The following RELN variants were observed in gnomAD, a reference collection of about 807,000 sequenced individuals.
The protein encoded by RELN is reelin.
Under a neutral mutation model 427.6 loss-of-function variants are expected in RELN, and 108 were observed. The observed-to-expected ratio is 0.25, with a 90% CI of 0.22 to 0.30. The LOEUF is 0.30. Among genes scored for constraint, RELN ranks in the 10% least tolerant of loss-of-function variants. RELN has a pLI of 1.00. For synonymous variants in RELN, 1,524 were observed against 1,513.4 expected, an observed-to-expected ratio of 1.01 and a Z score of -0.16; for missense variants, 3,715 against 4,302.8, an observed-to-expected ratio of 0.86 and a Z score of 3.82.
Position 103,943,761 on chromosome 7 carries a change from T to C in RELN, c.227-26576A>G, listed in dbSNP as rs1247948561. ...TACTTGGGAGGCTGAGGCAGGAGAA[T>C]CACTTGAACCCAGGACACAGAGGTT... On this transcript the variant is annotated intron_variant, in intron 1 of 64. Transcript: ENST00000428762. 8.6e-5 allele frequency among the ~76,000 whole-genome samples: 12 copies of C among 139,942 alleles called. No homozygotes were observed. The Admixed American group carries it at 9.4e-4, about 11-fold the overall frequency. 91.8% of individuals were successfully genotyped at this position (139,942 alleles called of 152,430 possible). A position where few individuals can be genotyped will look rare whatever the true frequency, so the allele number is the denominator to read the frequency against.
At chr7:103,772,879 T>A (rs893484842) in intron 4 of RELN, among the ~76,000 whole-genome samples, 38 of 152,152 alleles carry the variant, frequency 2.5e-4, no homozygotes, top group Admixed American at 3.9e-4. Context: ...AGACAAACTA[T>A]TGCTTCCAAT....
intron 51 of RELN, among the ~76,000 whole-genome samples, chr7:103,508,739 G>A (rs1225475021): frequency 6.6e-6 from 1 of 152,172 alleles, no homozygotes. Flanking sequence ...TGACATGATT[G>A]TGTATTTAGA....
chr7:103,795,649 T>C (rs1171485145), intron 3 of RELN, among the ~76,000 whole-genome samples: 1 of 152,192 alleles, frequency 6.6e-6, no homozygotes, highest in Non-Finnish European at 1.5e-5. Context: ...TACTTTGTTT[T>C]TGCAAACAAA....
rs979289169 is a variant in RELN, at chr7:103,553,687, T to C, written c.5942A>G (p.Tyr1981Cys). 7.4e-5 allele frequency: 120 copies of C among 1,613,972 alleles called. 1 individual carries two copies. The highest frequency in any genetic ancestry group is 1.0e-4 in the Non-Finnish European group (118 of 1,180,000). ...FFYPGGNIGL[Y>C]CPYSSKGAPE... is the part of the protein sequence containing the mutation. ...TGCCCCCTTTGAAGAATATGGACAA[T>C]AAAGACCGATGTTACCACCAGGATA... Residue 1981 changes from tyrosine (Y) to cysteine (C), a missense_variant, in exon 39 of 65, where the codon TAT becomes TGT. By Grantham distance (194) the Tyr-to-Cys change is radical. This residue lies in a region of RELN where 1,310 missense variants were observed against 1,643.0 expected (regional missense o/e 0.80). Transcript: ENST00000428762.
intron 22 of RELN, among the ~76,000 whole-genome samples, chr7:103,606,990 T>C (rs1831835496): frequency 6.6e-6 from 1 of 151,464 alleles, no homozygotes. Context: ...TTCATCCATG[T>C]CCCTACAAAG....
At chr7:103,473,651 T>G (rs565000461) in intron 64 of RELN, among the ~76,000 whole-genome samples, 30 of 152,338 alleles carry the variant, frequency 2.0e-4, no homozygotes, top group African/African-American at 7.2e-4. Context: ...ATATGCTGTG[T>G]GTGAAGCTGA....
chr7:103,725,942 T>G (rs7797512), intron 7 of RELN, among the ~76,000 whole-genome samples: 42,390 of 152,086 alleles, frequency 0.28, 6,052 homozygotes, highest in South Asian at 0.39. Flanking sequence ...AAAAGATAAA[T>G]CCTTAGCCTA....
intron 58 of RELN, among the ~76,000 whole-genome samples, chr7:103,491,180 G>A (rs1020963485): frequency 3.9e-5 from 6 of 152,112 alleles, no homozygotes; most frequent in African/African-American, 9.7e-5. Context: ...GGTGATAGTC[G>A]GAGGGCTATT....
At chr7:103,961,261 T>C (rs1319965761) in intron 1 of RELN, among the ~76,000 whole-genome samples, 3 of 152,234 alleles carry the variant, frequency 2.0e-5, no homozygotes, top group African/African-American at 7.2e-5. Context: ...TATCTTTTTA[T>C]ATACTTTAAA....
Position 103,542,968 on chromosome 7 carries a change from GT to G in RELN, c.6524-91del, listed in dbSNP as rs771572972. On this transcript the variant is annotated intron_variant, in intron 42 of 64. Transcript: ENST00000428762. ...AAAAGGAGTATGGTAAATGCATTAT[GT>G]AGTTTCAAAATATGAAGTCATAAAT... 0.054 allele frequency: 72,127 copies of G among 1,329,334 alleles called. 2,974 individuals are homozygous for G. The highest frequency in any genetic ancestry group is 0.2 in the East Asian group (8,659 of 43,270). 82.3% of individuals were successfully genotyped at this position (1,329,334 alleles called of 1,614,324 possible).
At chr7:103,836,051 C>T (rs1184434679) in intron 2 of RELN, among the ~76,000 whole-genome samples, 23 of 151,864 alleles carry the variant, frequency 1.5e-4, no homozygotes, top group Admixed American at 1.2e-3. Flanking sequence ...CAATCTCCAC[C>T]GCTTGGGTTC....
intron 3 of RELN, among the ~76,000 whole-genome samples, chr7:103,785,431 C>T (rs549535053): frequency 2.0e-5 from 3 of 152,180 alleles, no homozygotes; most frequent in African/African-American, 4.8e-5. Flanking sequence ...AAGATGTATG[C>T]AAAGTATTTA....
rs1275052727 is a variant in RELN at position 103,522,039 on chromosome 7, C to T, written c.7651G>A (p.Ala2551Thr). 6.2e-7 allele frequency: 1 copy of T among 1,614,106 alleles called. No individual in the cohort carries two copies. The highest frequency in any genetic ancestry group is 1.1e-5 in the South Asian group (1 of 91,072). ...ACACTCACCCCACTGAAATGGAGAG[C>T]CATTCCCGACGCCACGGCTCCACAC... ...TVCGAVASGM[A>T]LHFSGGCSRL... The change falls in exon 48 of 65, where the codon GCT becomes ACT. Residue 2551 changes from alanine (A) to threonine (T), a missense_variant. Transcript: ENST00000428762.
At chr7:103,625,206 TTCACAAAA>T (rs1455360766) in intron 20 of RELN, among the ~76,000 whole-genome samples, 1 of 152,218 alleles carries the variant, frequency 6.6e-6, no homozygotes, top group Non-Finnish European at 1.5e-5. Context: ...TCACTCACCA[TTCACAAAA>T]TACTTTCTAT....
intron 1 of RELN, among the ~76,000 whole-genome samples, chr7:103,985,829 C>G (rs1420090153): frequency 2.0e-5 from 3 of 152,148 alleles, no homozygotes; most frequent in African/African-American, 7.2e-5. Flanking sequence ...AACCATCACA[C>G]TTTTCACAAT....
intron 18 of RELN, 66 bp downstream of exon 18, chr7:103,636,169 G>T: frequency 9.7e-7 from 1 of 1,027,212 alleles, no homozygotes; most frequent in Non-Finnish European, 1.5e-6. Context: ...AATAAAAATG[G>T]ACAGTATAAC....
chr7:103,836,494 A>T (rs1369354222), intron 2 of RELN, among the ~76,000 whole-genome samples: 1 of 152,140 alleles, frequency 6.6e-6, no homozygotes. Context: ...GCCTTCAAGA[A>T]GACTCTGAAT....
chr7:103,771,447 A>C (rs1487431141), intron 4 of RELN, among the ~76,000 whole-genome samples: 1 of 151,936 alleles, frequency 6.6e-6, no homozygotes, highest in African/African-American at 2.4e-5. Flanking sequence ...TCCCTAATGA[A>C]TGCATTGCCT....
intron 2 of RELN, among the ~76,000 whole-genome samples, chr7:103,848,934 A>C (rs1223487118): frequency 1.3e-5 from 2 of 152,100 alleles, no homozygotes; most frequent in Non-Finnish European, 2.9e-5. Context: ...ATGGGAAGAT[A>C]TTGTTTATCA....
Sources: allele counts gnomAD v4.1 joint callset (sites outside exome capture counted in the v4.1 genomes callset), GRCh38; gene constraint gnomAD v4.1.1; regional missense constraint gnomAD v4.1.1; transcripts MANE v1.5; gene names NCBI Gene and HGNC (gene_info 2026-07-23, HGNC 2026-07-21).